The following MST1 variants were observed in gnomAD, a reference collection of about 807,000 sequenced individuals.
MST1 encodes the protein macrophage stimulating 1.
A neutral mutation model predicts 100.1 loss-of-function variants in MST1; 76 were observed. That is an observed-to-expected ratio of 0.76 (90% CI 0.63 to 0.92). The LOEUF (loss-of-function observed/expected upper bound fraction) is 0.92. Among genes scored for constraint, MST1 ranks in the 40% least tolerant of loss-of-function variants. The pLI, the probability that MST1 is intolerant of heterozygous loss-of-function variation, is 0.00. For missense variants in MST1, 850 were observed against 990.0 expected, an observed-to-expected ratio of 0.86 and a Z score of 1.90; for synonymous variants, 352 against 385.4, an observed-to-expected ratio of 0.91 and a Z score of 1.01.
chr3:49,685,777 A>G (rs1472760095), intron 10 of MST1, 45 bp from the exon 11 acceptor site: 2 of 1,612,782 alleles, frequency 1.2e-6, no homozygotes, highest in African/African-American at 1.3e-5. Flanking sequence ...AGTCTCAACC[A>G]TTTCCAGGCT....
At position 49,685,266 on chromosome 3, in the gene MST1, T is replaced by C. The variant is rs1340052607; in HGVS notation, c.1540A>G (p.Asn514Asp). Residue 514 changes from asparagine to aspartate, a missense_variant, in exon 13 of 18, where the codon AAT becomes GAT. This residue lies in a region of MST1 where 816 missense variants were observed against 924.6 expected (regional missense o/e 0.88). Transcript: ENST00000449682. ...AGACAGGCAGTTGTGCCTCACCGAT[T>C]CCGCAAGCTGACTGTCCAGGGTGAG... is the stretch of plus-strand genomic sequence containing the variant. ...GNSPWTVSLR[N>D]RQGQHFCGGS... 1.2e-6 allele frequency: 2 copies of C among 1,613,186 alleles called. No homozygotes were observed. Among genetic ancestry groups the C allele is most frequent in the Admixed American group, 1.7e-5 (1 of 59,998 alleles).
At position 49,686,949 on chromosome 3, in the gene MST1, G is replaced by C; in HGVS notation, c.726C>G (p.Gly242=). Residue 242 remains glycine, a splice_region_variant and synonymous_variant, in exon 6 of 18, where the codon GGC becomes GGG. Transcript: ENST00000449682. ...QHPHQHPFEP[G]KFLDQGLDDN... is the part of the protein sequence containing the mutation. ...ACGCCGATACCGCCTACGCGTACTT[G>C]CCCGGCTCGAAGGGGTGCTGGTGCG... 1.2e-6 allele frequency: 2 copies of C among 1,611,436 alleles called. No homozygotes were observed. Among genetic ancestry groups the C allele is most frequent in the Non-Finnish European group, 1.7e-6 (2 of 1,179,704 alleles).
chr3:49,686,599 C>T (rs2053778649), intron 7 of MST1, 85 bp downstream of exon 7: 4 of 1,551,442 alleles, frequency 2.6e-6, no homozygotes, highest in Non-Finnish European at 3.5e-6. Flanking sequence ...TCAGGTCACG[C>T]CCAGCCCCTC....
Position 49,684,364 on chromosome 3 carries a change from C to A in MST1, c.1966G>T (p.Glu656Ter). The A allele has an allele frequency of 1.9e-6, 3 of 1,613,334 alleles. No homozygotes were observed. Among genetic ancestry groups the A allele is most frequent in the East Asian group, 2.2e-5 (1 of 44,892 alleles). The change falls in exon 17 of 18, where the codon GAG becomes TAG. Residue 656 changes from glutamate (E) to a stop codon, truncating the protein, a stop_gained. Coordinates refer to ENST00000449682, the MANE Select transcript of MST1 (RefSeq NM_020998.4). LOFTEE classifies it high-confidence loss of function. ...CNIKHRGRVR[E>*]SEMCTEGLLA... ...AGTCCCTCAGTGCACATCTCACTCTCCCGCACACGTCCTCGGTGCTTGATG... is the reference window on the plus strand; with the variant it reads ...AGTCCCTCAGTGCACATCTCACTCTACCGCACACGTCCTCGGTGCTTGATG...
Position 49,687,683 on chromosome 3 carries a change from G to C in MST1, c.243-15C>G, listed in dbSNP as rs369134155. 5.0e-6 allele frequency: 8 copies of C among 1,613,310 alleles called. No individual in the cohort carries two copies. In the African/African-American group the frequency reaches 9.3e-5, roughly 19 times the overall value. On this transcript the variant is annotated splice_polypyrimidine_tract_variant and intron_variant, in intron 2 of 17. Transcript: ENST00000449682. The stretch of plus-strand genomic sequence containing the variant: ...AGTGGAAGGCCCTGGAGAGAAGAAG[G>C]CACAGGGTAACGCCACAGCCCAGGC...
rs951301606 is a variant in MST1 at position 49,689,176 on chromosome 3, C to T, written c.-485G>A. On this transcript the variant is annotated 5_prime_UTR_variant, in exon 1 of 18. Transcript: ENST00000449682. ...TCATCTCAGCCGCCAGAAGTGTCAT[C>T]CCAGGGAAGGTGAGCGAGGCTGTCC... 33 of 154,234 alleles carry T rather than the reference C, an allele frequency of 2.1e-4. No homozygotes were observed. Among genetic ancestry groups the T allele is most frequent in the Non-Finnish European group, 4.3e-4 (30 of 69,444 alleles). 9.6% of individuals were successfully genotyped at this position (154,234 alleles called of 1,614,324 possible). A position where few individuals can be genotyped will look rare whatever the true frequency, so the allele number is the denominator to read the frequency against.
At position 49,687,779 on chromosome 3, in the gene MST1, A is replaced by G; in HGVS notation, c.213T>C (p.Ala71=). 2.5e-6 allele frequency: 4 copies of G among 1,613,618 alleles called. No individual in the cohort carries two copies. Among genetic ancestry groups the G allele is most frequent in the African/African-American group, 1.3e-5 (1 of 75,058 alleles). Residue 71 remains alanine (A), a synonymous_variant, in exon 2 of 18, where the codon GCT becomes GCC. Coordinates refer to ENST00000449682, the MANE Select transcript of MST1 (RefSeq NM_020998.4). ...QEDVADAEEC[A]GRCGPLMDCR... is the part of the protein sequence containing the mutation. Reference sequence around the variant, plus strand: ...AGTCCATTAAGGGCCCACAGCGACCAGCACACTCTTCAGCATCTGCCACAT... The same window carrying G: ...AGTCCATTAAGGGCCCACAGCGACCGGCACACTCTTCAGCATCTGCCACAT...
Position 49,688,914 on chromosome 3 carries a change from C to T in MST1, c.-223G>A. ...GGTGCCCTGGGGTTGGGGTGAAACCCCTCTGCAGCCTAGTCAGCCCAAGGG... is the reference window on the plus strand; with the variant it reads ...GGTGCCCTGGGGTTGGGGTGAAACCTCTCTGCAGCCTAGTCAGCCCAAGGG... On this transcript the variant is annotated 5_prime_UTR_variant, in exon 1 of 18. Coordinates refer to ENST00000449682, the MANE Select transcript of MST1 (RefSeq NM_020998.4). The T allele has an allele frequency of 2.3e-6, 1 of 430,264 alleles. No individual in the cohort carries two copies. The highest frequency in any genetic ancestry group is 6.1e-4 in the Middle Eastern group (1 of 1,640). The allele number at this position is 430,264 out of a possible 1,614,324, so 26.7% of individuals were successfully genotyped here.
rs1437124540 is a variant in MST1, at chr3:49,687,834, T to G, written c.158A>C (p.His53Pro). The change falls in exon 2 of 18, where the codon CAT becomes CCT. Residue 53 changes from histidine (H) to proline (P), a missense_variant. Transcript: ENST00000449682. ...CTGCCAAGGCCCGGGCACCACCGCA[T>G]GTAGCAGGTGCTGTAGCTCTGTGCC... ...LRGTELQHLLHAVVPGPWQED... is the reference protein window; with the variant it reads ...LRGTELQHLLPAVVPGPWQED... The G allele has an allele frequency of 3.7e-6, 6 of 1,613,486 alleles. No homozygotes were observed. The Admixed American group carries it at 6.7e-5, about 18-fold the overall frequency.
chr3:49,688,165 C>T (rs1441688144), intron 1 of MST1: 1 of 544,050 alleles, frequency 1.8e-6, no homozygotes, highest in Non-Finnish European at 3.3e-6. Context: ...CACATACGCT[C>T]TGTGAGAGCA....
intron 4 of MST1, 34 bp from the exon 5 acceptor site, chr3:49,687,319 G>A (rs2108156600): frequency 6.2e-7 from 1 of 1,613,490 alleles, no homozygotes; most frequent in Non-Finnish European, 8.5e-7. Flanking sequence ...AGTGTGTGCT[G>A]GGGGAAGGCC....
rs775142970 is a variant in MST1, at chr3:49,684,459, G to C, written c.1877-6C>G. The C allele has an allele frequency of 5.8e-5, 93 of 1,613,426 alleles. No individual in the cohort carries two copies. Among genetic ancestry groups the C allele is most frequent in the Non-Finnish European group, 7.5e-5 (88 of 1,179,874 alleles). ...GACTGTGTCATTACCCGTACCTGCA[G>C]TGAGGGGAATGGGGAGAGGGAGAGG... On this transcript the variant is annotated splice_region_variant and splice_polypyrimidine_tract_variant and intron_variant, in intron 16 of 17. Coordinates refer to ENST00000449682, the MANE Select transcript of MST1 (RefSeq NM_020998.4).
In MST1 at chr3:49,684,718, C is replaced by T. The variant is rs373977151; in HGVS notation, c.1769+20G>A. On this transcript the variant is annotated intron_variant, in intron 15 of 17. Coordinates refer to ENST00000449682, the MANE Select transcript of MST1 (RefSeq NM_020998.4). Reference sequence around the variant, plus strand: ...ACAAGGCCCAGCCCCACCTCACACCCTCCCAGGTTGTCCACATACCTCTCC... The same window carrying T: ...ACAAGGCCCAGCCCCACCTCACACCTTCCCAGGTTGTCCACATACCTCTCC... The T allele has an allele frequency of 6.2e-7, 1 of 1,613,220 alleles. No individual in the cohort carries two copies. Among genetic ancestry groups the T allele is most frequent in the Admixed American group, 1.7e-5 (1 of 60,008 alleles).
At position 49,686,150 on chromosome 3, in the gene MST1, C is replaced by A; in HGVS notation, c.1059G>T (p.Glu353Asp). Residue 353 changes from glutamate to aspartate, a missense_variant, in exon 9 of 18, where the codon GAG (glutamate) becomes GAT (aspartate). By Grantham distance (45) the Glu-to-Asp change is conservative (BLOSUM62 2). Coordinates refer to ENST00000449682, the MANE Select transcript of MST1 (RefSeq NM_020998.4). ...ENFCRNPDGS[E>D]APWCFTLRPG... ...GCCGCAGTGTGAAGCACCAGGGCGC[C>A]TCTGAGCCGTCGGGGTTCCGGCAGA... 2.5e-6 allele frequency: 4 copies of A among 1,611,434 alleles called. No individual in the cohort carries two copies. The highest frequency in any genetic ancestry group is 3.4e-6 in the Non-Finnish European group (4 of 1,179,548).
rs1559659998 is a variant in MST1, at chr3:49,687,850, GC to G, written c.141del (p.Glu47AspfsTer31). On this transcript the variant is annotated frameshift_variant, in exon 2 of 18. Transcript: ENST00000449682. LOFTEE classifies it high-confidence loss of function. ...ACCACCGCATGTAGCAGGTGCTGTA[GC>G]TCTGTGCCCCGGAGCACTTGGAAGT... ...LNDFQVLRGT[E>X]LQHLLHAVVP... 6.2e-7 allele frequency: 1 copy of G among 1,613,558 alleles called. No homozygotes were observed. Among genetic ancestry groups the G allele is most frequent in the East Asian group, 2.2e-5 (1 of 44,884 alleles).
In MST1 at chr3:49,686,390, A is replaced by C. The variant is rs7431215; in HGVS notation, c.939T>G (p.Thr313=). 6.7e-7 allele frequency: 1 copy of C among 1,487,580 alleles called. No homozygotes were observed. The highest frequency in any genetic ancestry group is 1.1e-5 in the South Asian group (1 of 87,566). 92.1% of individuals were successfully genotyped at this position (1,487,580 alleles called of 1,614,324 possible). A position where few individuals can be genotyped will look rare whatever the true frequency, so the allele number is the denominator to read the frequency against. Residue 313 remains threonine, a synonymous_variant, in exon 8 of 18, where the codon ACT becomes ACG. Transcript: ENST00000449682. The part of the protein sequence containing the change: ...EGYRGTANTT[T]AGVPCQRWDA... ...CCCAACGCTGGCAAGGTACGCCCGCAGTGGTGGTATTGGCTGTGCCCCGGT... is the reference window on the plus strand; with the variant it reads ...CCCAACGCTGGCAAGGTACGCCCGCCGTGGTGGTATTGGCTGTGCCCCGGT...
At position 49,685,008 on chromosome 3, in the gene MST1, T is replaced by C; in HGVS notation, c.1622+4A>G. The C allele has an allele frequency of 1.9e-6, 3 of 1,612,130 alleles. No homozygotes were observed. Among genetic ancestry groups the C allele is most frequent in the Non-Finnish European group, 2.5e-6 (3 of 1,179,270 alleles). On this transcript the variant is annotated splice_donor_region_variant and intron_variant, in intron 14 of 17. Coordinates refer to ENST00000449682, the MANE Select transcript of MST1 (RefSeq NM_020998.4). The stretch of plus-strand genomic sequence containing the variant: ...CTGGGTCCCCAAACACAAGGGAGGC[T>C]CACCAGGAGGAGAAGCACTGCCGGG...
chr3:49,688,432 A>G, intron 1 of MST1, 166 bp downstream of exon 1: 1 of 587,262 alleles, frequency 1.7e-6, no homozygotes, highest in South Asian at 2.2e-5. Flanking sequence ...CTAAGTGGGC[A>G]ATGTCTATGT....
chr3:49,685,930 C>G lies in MST1; in HGVS notation c.1180G>C (p.Gly394Arg). The G allele has an allele frequency of 4.3e-6, 7 of 1,609,694 alleles. No homozygotes were observed. The highest frequency in any genetic ancestry group is 5.9e-6 in the Non-Finnish European group (7 of 1,179,306). The change falls in exon 10 of 18, where the codon GGC becomes CGC. Residue 394 changes from glycine to arginine, a missense_variant. By Grantham distance (125) the Gly-to-Arg change is moderately radical (BLOSUM62 -2). Transcript: ENST00000449682. The stretch of plus-strand genomic sequence containing the variant: ...CCCTTGCGGGTCTTGCTGACCGTGC[C>G]GCGGTACTGCTCCCCTGCGCCGTGG... ...CYHGAGEQYR[G>R]TVSKTRKGVQ... is the part of the protein sequence containing the mutation.
Sources: gnomAD v4.1 joint callset for allele counts on GRCh38, gnomAD v4.1.1 for gene constraint, gnomAD v4.1.1 regional missense constraint, MANE v1.5 for transcripts, NCBI Gene and HGNC (gene_info 2026-07-23, HGNC 2026-07-21) for gene names.